RABGAP1: variants seen among roughly 807,000 people sequenced by gnomAD.
RABGAP1 encodes RAB GTPase activating protein 1.
RABGAP1 carries 23 observed loss-of-function variants against 137.6 expected under a neutral mutation model. The observed-to-expected ratio is 0.17, with a 90% CI of 0.12 to 0.24. The LOEUF (loss-of-function observed/expected upper bound fraction) is 0.24, where lower values mean the gene tolerates loss of function less well. Ranked by LOEUF, RABGAP1 falls within the 10% of genes least tolerant of loss-of-function variation. The pLI is 1.00. For synonymous variants in RABGAP1, 451 were observed against 450.7 expected, an observed-to-expected ratio of 1.00 and a Z score of -0.01; for missense variants, 906 against 1,275.8, an observed-to-expected ratio of 0.71 and a Z score of 4.42.
chr9:122,937,817 C>T (rs1833412152), upstream of RABGAP1: 1 of 152,272 alleles, frequency 6.6e-6, no homozygotes, highest in African/African-American at 2.4e-5. Flanking sequence ...CATGGTGAAA[C>T]CTCATCTCTA....
intron 6 of RABGAP1, among the ~76,000 whole-genome samples, chr9:122,995,514 G>T (rs1249525692): frequency 6.7e-6 from 1 of 149,670 alleles, no homozygotes; most frequent in East Asian, 2.0e-4. Flanking sequence ...GCATAGGAGT[G>T]ATTTTTTTAG....
At chr9:122,952,143 CTGTCACCTCAAGTGA>C (rs1201002921) in intron 1 of RABGAP1, among the ~76,000 whole-genome samples, 2 of 152,218 alleles carry the variant, frequency 1.3e-5, no homozygotes, top group African/African-American at 4.8e-5. Context: ...ACATAATTGT[CTGTCACCTCAAGTGA>C]CTTGACTTTT....
chr9:123,026,336 GTTTAA>G (rs763943032), intron 13 of RABGAP1, among the ~76,000 whole-genome samples: 2 of 151,906 alleles, frequency 1.3e-5, no homozygotes, highest in Admixed American at 6.6e-5. Context: ...AATAAATTGT[GTTTAA>G]TTTAAGTGGT....
chr9:123,067,333 GT>G (rs1203841908), intron 14 of RABGAP1, among the ~76,000 whole-genome samples: 1 of 152,184 alleles, frequency 6.6e-6, no homozygotes, highest in African/African-American at 2.4e-5. Flanking sequence ...ATTGCTGGCA[GT>G]TTTACAAAAG....
intron 2 of RABGAP1, among the ~76,000 whole-genome samples, chr9:122,980,051 CT>C (rs1835965758): frequency 6.6e-6 from 1 of 152,190 alleles, no homozygotes; most frequent in Non-Finnish European, 1.5e-5. Context: ...CTAATCTGGT[CT>C]GCCACCTGTT....
chr9:122,944,285 A>T (rs1588146593), intron 1 of RABGAP1, among the ~76,000 whole-genome samples: 1 of 149,644 alleles, frequency 6.7e-6, no homozygotes, highest in South Asian at 2.1e-4. Flanking sequence ...GCTGGAGTGC[A>T]GTAGTGCTGT....
intron 1 of RABGAP1, among the ~76,000 whole-genome samples, chr9:122,943,588 C>T (rs1455957253): frequency 1.3e-5 from 2 of 152,156 alleles, no homozygotes; most frequent in African/African-American, 4.8e-5. Context: ...CTGTATTATG[C>T]ACTTTATCTA....
chr9:123,007,061 CT>C (rs1170447649), intron 10 of RABGAP1, among the ~76,000 whole-genome samples: 1 of 146,402 alleles, frequency 6.8e-6, no homozygotes, highest in Non-Finnish European at 1.5e-5. Flanking sequence ...AAAAAAACTA[CT>C]GGTGTTTTTC....
intron 2 of RABGAP1, among the ~76,000 whole-genome samples, chr9:122,981,903 G>T (rs182455945): frequency 3.0e-3 from 454 of 152,260 alleles, no homozygotes; most frequent in African/African-American, 0.01. Context: ...ACAAAAACTA[G>T]CTGGGTGTGT....
intron 13 of RABGAP1, among the ~76,000 whole-genome samples, chr9:123,030,720 A>G (rs2032255029): frequency 6.6e-6 from 1 of 152,146 alleles, no homozygotes; most frequent in Non-Finnish European, 1.5e-5. Context: ...CCTTCTAGCT[A>G]TTTGAAACTA....
intron 2 of RABGAP1, among the ~76,000 whole-genome samples, chr9:122,969,357 G>A (rs565549621): frequency 2.0e-5 from 3 of 152,190 alleles, no homozygotes; most frequent in African/African-American, 7.2e-5. Flanking sequence ...ATGTATCCCT[G>A]TTGTTAAGTG....
intron 2 of RABGAP1, among the ~76,000 whole-genome samples, chr9:122,968,102 TACATGAG>T (rs747746076): frequency 6.6e-6 from 1 of 152,132 alleles, no homozygotes; most frequent in African/African-American, 2.4e-5. Flanking sequence ...ATATATGCAT[TACATGAG>T]ACATGAGACA....
intron 13 of RABGAP1, chr9:123,035,809 C>A: frequency 2.0e-6 from 1 of 500,628 alleles, no homozygotes; most frequent in East Asian, 3.1e-5. Context: ...TTCAAAAGTG[C>A]TTGTGAATTA....
chr9:122,975,450 A>G (rs1432680043), intron 2 of RABGAP1, among the ~76,000 whole-genome samples: 1 of 152,248 alleles, frequency 6.6e-6, no homozygotes, highest in Non-Finnish European at 1.5e-5. Context: ...TCAAGGAAAC[A>G]GACTTGTAGC....
At chr9:122,965,786 G>C (rs1835114062) in intron 2 of RABGAP1, among the ~76,000 whole-genome samples, 1 of 152,184 alleles carries the variant, frequency 6.6e-6, no homozygotes, top group Non-Finnish European at 1.5e-5. Flanking sequence ...TTAAATGAAT[G>C]AATTGTGTGG....
intron 13 of RABGAP1, chr9:123,035,736 T>C (rs1267923818): frequency 1.5e-6 from 1 of 656,812 alleles, no homozygotes; most frequent in East Asian, 2.7e-5. Flanking sequence ...CAGAATACTT[T>C]GACTCTAAAC....
At chr9:123,056,109 G>C (rs939679331) in intron 13 of RABGAP1, among the ~76,000 whole-genome samples, 10 of 152,180 alleles carry the variant, frequency 6.6e-5, no homozygotes, top group Non-Finnish European at 1.3e-4. Flanking sequence ...TTAGTAAATG[G>C]TATTAGATAC....
chr9:122,956,583 G>A (rs984918423), intron 1 of RABGAP1, among the ~76,000 whole-genome samples: 3 of 151,520 alleles, frequency 2.0e-5, no homozygotes, highest in African/African-American at 7.3e-5. Context: ...CCAGGAGGTG[G>A]GGCTTGCAGT....
Position 122,990,789 on chromosome 9 carries a change from AAAAAAAAATATATATATATATATATATAT to A in RABGAP1, c.923+578_923+606del, listed in dbSNP as rs1291088513. 1.8e-4 allele frequency: 10 copies of A among 56,578 alleles called. 1 individual carries two copies. Among genetic ancestry groups the A allele is most frequent in the Non-Finnish European group, 3.3e-4 (10 of 30,494 alleles). 3.5% of individuals were successfully genotyped at this position (56,578 alleles called of 1,614,324 possible). A position where few individuals can be genotyped will look rare whatever the true frequency, so the allele number is the denominator to read the frequency against. Reference sequence around the variant, plus strand: ...CGTCTCAAAAAAAAAAAAAAAAAAAAAAAAAAAATATATATATATATATATATATATATATATATATATATATGGCCAAA... The same window carrying A: ...CGTCTCAAAAAAAAAAAAAAAAAAAAATATATATATATATATATGGCCAAA... On this transcript the variant is annotated intron_variant, in intron 6 of 25. Transcript: ENST00000373647.
Sources: gnomAD v4.1 joint callset for allele counts (sites outside exome capture counted in the v4.1 genomes callset) on GRCh38, gnomAD v4.1.1 for gene constraint, MANE v1.5 for transcripts, NCBI Gene and HGNC (gene_info 2026-07-23, HGNC 2026-07-21) for gene names.